SACM1L: variants seen among roughly 807,000 people sequenced by gnomAD.
The protein encoded by SACM1L is SAC1 like phosphatidylinositide phosphatase, also known as phosphatidylinositol-3-phosphatase SAC1.
SACM1L carries 32 observed loss-of-function variants against 89.5 expected under a neutral mutation model. That is an observed-to-expected ratio of 0.36 (90% CI 0.27 to 0.48). The LOEUF (loss-of-function observed/expected upper bound fraction) is 0.48. SACM1L is among the 20% of genes least tolerant of loss of function. The pLI is 0.99. For missense variants in SACM1L, 543 were observed against 708.5 expected, an observed-to-expected ratio of 0.77 and a Z score of 2.65; for synonymous variants, 213 against 232.8, an observed-to-expected ratio of 0.92 and a Z score of 0.77.
chr3:45,741,138 C>A (rs1699304729), intron 19 of SACM1L, among the ~76,000 whole-genome samples: 1 of 152,152 alleles, frequency 6.6e-6, no homozygotes, highest in Admixed American at 6.5e-5. Flanking sequence ...AGGCACCTTC[C>A]AGCCTTCATC....
intron 3 of SACM1L, 80 bp from the exon 4 acceptor site, chr3:45,706,700 A>G: frequency 1.6e-6 from 2 of 1,242,430 alleles, no homozygotes; most frequent in Non-Finnish European, 2.2e-6. Context: ...TAGCCTTTAA[A>G]GTTAAACAAT....
chr3:45,713,292 A>G, intron 6 of SACM1L, 96 bp downstream of exon 6: 3 of 936,554 alleles, frequency 3.2e-6, no homozygotes, highest in Non-Finnish European at 4.9e-6. Flanking sequence ...AAGAATTTCG[A>G]GAAACAATTC....
At chr3:45,718,599 C>T (rs1477939730) in intron 7 of SACM1L, among the ~76,000 whole-genome samples, 1 of 152,194 alleles carries the variant, frequency 6.6e-6, no homozygotes, top group East Asian at 1.9e-4. Context: ...CATCCTGTTT[C>T]CATCACTCCA....
chr3:45,742,413 A>G (rs1699335144), intron 19 of SACM1L, among the ~76,000 whole-genome samples: 1 of 152,140 alleles, frequency 6.6e-6, no homozygotes, highest in Non-Finnish European at 1.5e-5. Flanking sequence ...ATGATCTCTG[A>G]GGGCTTGTTA....
At chr3:45,737,707 A>ATTTT in intron 15 of SACM1L, 55 bp downstream of exon 15, 1 of 1,581,958 alleles carries the variant, frequency 6.3e-7, no homozygotes, top group Non-Finnish European at 8.6e-7. Context: ...ATAAATTAAT[A>ATTTT]TTCTGGATTT....
intron 16 of SACM1L, among the ~76,000 whole-genome samples, chr3:45,738,155 C>G (rs1202169500): frequency 6.6e-6 from 1 of 152,204 alleles, no homozygotes; most frequent in East Asian, 1.9e-4. Context: ...CCAGGTGATG[C>G]TGATGCTGCT....
At chr3:45,691,942 G>A (rs1416752510) in intron 1 of SACM1L, among the ~76,000 whole-genome samples, 1 of 152,152 alleles carries the variant, frequency 6.6e-6, no homozygotes, top group Non-Finnish European at 1.5e-5. Context: ...GATCAAACTT[G>A]CATTTCTTAG....
chr3:45,723,461 T>A lies in SACM1L; in HGVS notation c.853-14T>A. On this transcript the variant is annotated splice_polypyrimidine_tract_variant and intron_variant, in intron 10 of 19. Transcript: ENST00000389061. ...AATGTACTCCAGTAAAATATGTAAC[T>A]TTTTCCTCTCTAGATGGACGGTTTC... The A allele has an allele frequency of 7.4e-7, 1 of 1,343,118 alleles. No individual in the cohort carries two copies. The highest frequency in any genetic ancestry group is 2.1e-5 in the South Asian group (1 of 48,468). The allele number at this position is 1,343,118 out of a possible 1,614,324, so 83.2% of individuals were successfully genotyped here. A position where few individuals can be genotyped will look rare whatever the true frequency, so the allele number is the denominator to read the frequency against.
chr3:45,704,254 T>C (rs1281735589), intron 2 of SACM1L, among the ~76,000 whole-genome samples: 1 of 152,214 alleles, frequency 6.6e-6, no homozygotes, highest in African/African-American at 2.4e-5. Flanking sequence ...TATTTTTTTC[T>C]TAAAGTACAA....
intron 1 of SACM1L, among the ~76,000 whole-genome samples, chr3:45,697,468 G>C (rs891608996): frequency 1.3e-5 from 2 of 151,510 alleles, no homozygotes; most frequent in African/African-American, 4.9e-5. Flanking sequence ...GTAGAAACGG[G>C]GTTTTGCCAT....
Position 45,737,762 on chromosome 3 carries a change from T to C in SACM1L, c.1310-10T>C, listed in dbSNP as rs558273373. On this transcript the variant is annotated splice_polypyrimidine_tract_variant and intron_variant, in intron 15 of 19. Coordinates refer to ENST00000389061, the MANE Select transcript of SACM1L (RefSeq NM_014016.5). Reference sequence around the variant, plus strand: ...TAATAATTATCAGCTGTTTTTACTTTTTTCTACAGCCTGGGCTGACAACGC... The same window carrying C: ...TAATAATTATCAGCTGTTTTTACTTCTTTCTACAGCCTGGGCTGACAACGC... 5.0e-6 allele frequency: 8 copies of C among 1,609,038 alleles called. No individual in the cohort carries two copies. The South Asian group carries it at 7.7e-5, about 16-fold the overall frequency.
At chr3:45,708,705 A>G (rs1234861010) in intron 4 of SACM1L, among the ~76,000 whole-genome samples, 2 of 152,116 alleles carry the variant, frequency 1.3e-5, no homozygotes, top group Non-Finnish European at 2.9e-5. Context: ...CTCGATTGTT[A>G]TTCTTTGTTG....
At chr3:45,728,005 T>A (rs1238742109) in intron 11 of SACM1L, among the ~76,000 whole-genome samples, 2 of 152,250 alleles carry the variant, frequency 1.3e-5, no homozygotes, top group African/African-American at 2.4e-5. Context: ...TTGTATCTTC[T>A]TGGAAAATTG....
chr3:45,719,314 G>A (rs4346584), intron 7 of SACM1L, among the ~76,000 whole-genome samples, 186 bp from the exon 8 acceptor site: 2,684 of 152,178 alleles, frequency 0.018, 66 homozygotes, highest in African/African-American at 0.062. Flanking sequence ...CGTGTCATAG[G>A]GTTATTAACT....
At position 45,737,603 on chromosome 3, in the gene SACM1L, G is replaced by A. The variant is rs770856775; in HGVS notation, c.1260G>A (p.Val420=). The change falls in exon 15 of 20, where the codon GTG becomes GTA. Residue 420 remains valine (V), a synonymous_variant. Transcript: ENST00000389061. ...AQLQRLGVLH[V]GQKLEEQDEF... ...TCCAGAGACTAGGAGTTTTGCATGTGGGACAAAAGCTTGAAGAACAAGATG... is the reference window on the plus strand; with the variant it reads ...TCCAGAGACTAGGAGTTTTGCATGTAGGACAAAAGCTTGAAGAACAAGATG... 5 of 1,595,040 alleles carry A rather than the reference G, an allele frequency of 3.1e-6. No individual in the cohort carries two copies. Among genetic ancestry groups the A allele is most frequent in the East Asian group, 2.2e-5 (1 of 44,790 alleles).
chr3:45,692,766 A>C (rs17328701), intron 1 of SACM1L, among the ~76,000 whole-genome samples: 1 of 152,052 alleles, frequency 6.6e-6, no homozygotes, highest in Non-Finnish European at 1.5e-5. Flanking sequence ...AAATGTTTAC[A>C]TGATTTATGT....
chr3:45,734,193 A>C (rs1699143504), intron 13 of SACM1L, among the ~76,000 whole-genome samples: 1 of 142,648 alleles, frequency 7.0e-6, no homozygotes, highest in South Asian at 2.1e-4. Flanking sequence ...CAGACGGATC[A>C]CCTGAGGTCA....
At chr3:45,730,337 C>G (rs1699018896) in intron 11 of SACM1L, among the ~76,000 whole-genome samples, 1 of 130,760 alleles carries the variant, frequency 7.6e-6, no homozygotes, top group Non-Finnish European at 1.6e-5. Flanking sequence ...TTGTTAAAGA[C>G]TCTGCTAATC....
chr3:45,742,326 T>C (rs1397904557), intron 19 of SACM1L, among the ~76,000 whole-genome samples: 1 of 152,236 alleles, frequency 6.6e-6, no homozygotes, highest in Non-Finnish European at 1.5e-5. Context: ...TGATAAACTT[T>C]GTGATGTTTG....
Sources: allele counts gnomAD v4.1 joint callset (sites outside exome capture counted in the v4.1 genomes callset), GRCh38; gene constraint gnomAD v4.1.1; transcripts MANE v1.5; gene names NCBI Gene and HGNC (gene_info 2026-07-23, HGNC 2026-07-21).